The following SLIT3 variants were observed in gnomAD, a reference collection of about 807,000 sequenced individuals.
The protein encoded by SLIT3 is slit homolog 3 protein.
In SLIT3, 68 loss-of-function variants were observed where a neutral mutation model predicts 184.0. The ratio of observed to expected loss-of-function variants is 0.37; its 90% confidence interval spans 0.30 to 0.45. The LOEUF is 0.45. Ranked by LOEUF, SLIT3 falls within the 20% of genes least tolerant of loss-of-function variation. The probability of loss-of-function intolerance (pLI) is 1.00; values close to 1 mark genes in which losing one functional copy is unlikely to be tolerated. For synonymous variants in SLIT3, 831 were observed against 828.6 expected (o/e 1.00, Z -0.05); for missense variants, 1,707 against 2,026.0 (o/e 0.84, Z 3.02).
At chr5:168,980,692 C>T (rs1489223811) in intron 4 of SLIT3, among the ~76,000 whole-genome samples, 3 of 152,146 alleles carry the variant, frequency 2.0e-5, no homozygotes, top group Non-Finnish European at 4.4e-5. Flanking sequence ...CTTATGAAGG[C>T]AGACAAAGAT....
intron 4 of SLIT3, among the ~76,000 whole-genome samples, chr5:169,157,036 G>GC (rs375878703): frequency 1.3e-3 from 195 of 151,522 alleles, no homozygotes; most frequent in East Asian, 3.7e-3. Flanking sequence ...AAAAAATCTG[G>GC]CCCCCCCCAC....
At chr5:169,100,898 G>T (rs1759984651) in intron 4 of SLIT3, among the ~76,000 whole-genome samples, 1 of 152,212 alleles carries the variant, frequency 6.6e-6, no homozygotes. Flanking sequence ...AACCCTGCTG[G>T]CAAGAGAATG....
At chr5:169,148,358 A>AAAT (rs1299232769) in intron 4 of SLIT3, among the ~76,000 whole-genome samples, 1 of 152,226 alleles carries the variant, frequency 6.6e-6, no homozygotes, top group Admixed American at 6.5e-5. Context: ...GCCGAAGAGG[A>AAAT]AATAAAAATG....
intron 4 of SLIT3, among the ~76,000 whole-genome samples, chr5:169,118,758 G>A (rs1174215444): frequency 1.3e-5 from 2 of 152,220 alleles, no homozygotes; most frequent in Admixed American, 6.5e-5. Flanking sequence ...CACTCTGATA[G>A]TGACTTGCTT....
At chr5:169,028,938 T>G (rs1054496647) in intron 4 of SLIT3, among the ~76,000 whole-genome samples, 1 of 152,130 alleles carries the variant, frequency 6.6e-6, no homozygotes, top group Non-Finnish European at 1.5e-5. Flanking sequence ...TGGACATATA[T>G]TGGTGGCTTC....
chr5:168,895,146 C>A (rs1360896756), intron 4 of SLIT3, among the ~76,000 whole-genome samples: 3 of 152,208 alleles, frequency 2.0e-5, no homozygotes, highest in Admixed American at 6.5e-5. Flanking sequence ...CTAGTGTCTA[C>A]CCCACTGTAA....
At chr5:168,768,989 T>G (rs1755449084) in intron 14 of SLIT3, among the ~76,000 whole-genome samples, 1 of 152,192 alleles carries the variant, frequency 6.6e-6, no homozygotes, top group South Asian at 2.1e-4. Flanking sequence ...TCATAGTTGT[T>G]GTTTGAGAAC....
chr5:168,953,945 C>G (rs1452526430), intron 4 of SLIT3, among the ~76,000 whole-genome samples: 7 of 152,174 alleles, frequency 4.6e-5, no homozygotes, highest in Admixed American at 3.9e-4. Flanking sequence ...TCTGAGTTGA[C>G]GACTTCTAGA....
intron 9 of SLIT3, among the ~76,000 whole-genome samples, chr5:168,801,450 C>G (rs980146633): frequency 7.9e-5 from 12 of 152,170 alleles, no homozygotes; most frequent in Non-Finnish European, 1.0e-4. Flanking sequence ...GGGGCTATTT[C>G]CCCTGCCAGA....
intron 4 of SLIT3, among the ~76,000 whole-genome samples, chr5:168,933,752 G>A (rs1762069097): frequency 6.6e-6 from 1 of 152,198 alleles, no homozygotes; most frequent in Non-Finnish European, 1.5e-5. Context: ...TCTTGGTTGA[G>A]ACCCTGGAGG....
At chr5:169,001,088 T>C (rs1392573800) in intron 4 of SLIT3, among the ~76,000 whole-genome samples, 8 of 152,250 alleles carry the variant, frequency 5.3e-5, no homozygotes, top group Non-Finnish European at 1.2e-4. Context: ...TGCAAATCCA[T>C]AGTACTTTTC....
At chr5:168,875,050 T>A (rs1581167201) in intron 5 of SLIT3, among the ~76,000 whole-genome samples, 2 of 123,960 alleles carry the variant, frequency 1.6e-5, no homozygotes, top group African/African-American at 6.3e-5. Context: ...AAAGGAAGAG[T>A]GGAAGAAAGG....
At position 168,696,321 on chromosome 5, in the gene SLIT3, T is replaced by A. The variant is rs201684175; in HGVS notation, c.3053A>T (p.Tyr1018Phe). Residue 1018 changes from tyrosine to phenylalanine, a missense_variant, in exon 28 of 36, where the codon TAC (tyrosine) becomes TTC (phenylalanine). Tyr to Phe is a conservative substitution (Grantham distance 22). Around this residue, in one of 3 missense-constraint regions of SLIT3, gnomAD observed 1,307 missense variants for 1,511.6 expected, o/e 0.86. Transcript: ENST00000519560. Reference protein sequence around the residue: ...NATCVDGINNYVCICPPNYTG... With the variant: ...NATCVDGINNFVCICPPNYTG... ...GTAGTTAGGCGGACAGATACACACG[T>A]AGTTGTTGATCCCGTCCACGCAGGT... The A allele has an allele frequency of 2.9e-4, 472 of 1,613,922 alleles. No homozygotes were observed. Among genetic ancestry groups the A allele is most frequent in the Non-Finnish European group, 3.8e-4 (445 of 1,180,000 alleles).
intron 4 of SLIT3, among the ~76,000 whole-genome samples, chr5:169,044,910 A>C (rs983342597): frequency 1.3e-5 from 2 of 152,200 alleles, no homozygotes; most frequent in Admixed American, 1.3e-4. Context: ...TTTTTTGATC[A>C]TCAACAACAG....
chr5:168,744,345 A>G (rs990692551), intron 20 of SLIT3, among the ~76,000 whole-genome samples: 8 of 152,200 alleles, frequency 5.3e-5, no homozygotes, highest in Admixed American at 4.6e-4. Flanking sequence ...AGTGTAAAGT[A>G]AAGCAGCAAG....
chr5:169,004,744 G>A (rs1268596393), intron 4 of SLIT3, among the ~76,000 whole-genome samples: 1 of 152,104 alleles, frequency 6.6e-6, no homozygotes, highest in Admixed American at 6.5e-5. Flanking sequence ...AGGTCATGAA[G>A]ATGGAATCTT....
chr5:169,027,347 T>C (rs2113510723), intron 4 of SLIT3, among the ~76,000 whole-genome samples: 1 of 152,286 alleles, frequency 6.6e-6, no homozygotes, highest in East Asian at 1.9e-4. Flanking sequence ...TTCTTGATGC[T>C]CATAGTCATG....
chr5:168,676,853 C>T (rs751427544), intron 32 of SLIT3, among the ~76,000 whole-genome samples: 1 of 152,230 alleles, frequency 6.6e-6, no homozygotes, highest in Non-Finnish European at 1.5e-5. Flanking sequence ...CACACAGACA[C>T]AGCGAACACA....
chr5:168,894,906 G>A (rs899484022), intron 4 of SLIT3, among the ~76,000 whole-genome samples: 19 of 152,186 alleles, frequency 1.2e-4, no homozygotes, highest in African/African-American at 4.1e-4. Flanking sequence ...GCCTCCAGGA[G>A]ATGTTAGAAG....
Sources: allele counts gnomAD v4.1 joint callset (sites outside exome capture counted in the v4.1 genomes callset), GRCh38; gene constraint gnomAD v4.1.1; regional missense constraint gnomAD v4.1.1; transcripts MANE v1.5; gene names NCBI Gene and HGNC (gene_info 2026-07-23, HGNC 2026-07-21).